Variants in KIF16B observed in about 807,000 individuals in gnomAD.
KIF16B encodes kinesin-like protein KIF16B.
A neutral mutation model predicts 156.3 loss-of-function variants in KIF16B; 98 were observed. That is an observed-to-expected ratio of 0.63 (90% confidence interval 0.53 to 0.74). The LOEUF is 0.74. KIF16B is among the 30% of genes least tolerant of loss of function. The pLI is 0.00. For missense variants in KIF16B, 1,421 were observed against 1,606.5 expected (o/e 0.88, Z 1.97); for synonymous variants, 564 against 583.7 (o/e 0.97, Z 0.49).
intron 15 of KIF16B, among the ~76,000 whole-genome samples, chr20:16,421,767 C>A (rs2066232100): frequency 6.6e-6 from 1 of 152,072 alleles, no homozygotes; most frequent in Non-Finnish European, 1.5e-5. Flanking sequence ...CGTTTTAACA[C>A]CTTCAAACAT....
chr20:16,277,884 G>A (rs946255947), intron 25 of KIF16B, among the ~76,000 whole-genome samples: 9 of 152,184 alleles, frequency 5.9e-5, no homozygotes, highest in Non-Finnish European at 7.3e-5. Context: ...TCTCTAGCAC[G>A]TCAGGGACCA....
intron 1 of KIF16B, among the ~76,000 whole-genome samples, chr20:16,571,910 C>T (rs1217383343): frequency 6.6e-6 from 1 of 152,144 alleles, no homozygotes; most frequent in Middle Eastern, 3.2e-3. Flanking sequence ...CAGGCATGAG[C>T]CACCGCGCCC....
chr20:16,436,292 T>C (rs1021106635), intron 12 of KIF16B, among the ~76,000 whole-genome samples: 4 of 152,156 alleles, frequency 2.6e-5, no homozygotes, highest in African/African-American at 7.2e-5. Flanking sequence ...TCTAGCCAGA[T>C]GGAATGACAG....
At chr20:16,370,766 C>A in intron 21 of KIF16B, 130 bp from the exon 22 acceptor site, 1 of 668,298 alleles carries the variant, frequency 1.5e-6, no homozygotes, top group Non-Finnish European at 2.4e-6. Context: ...CAATGACAAC[C>A]CTTCTATATA....
chr20:16,543,382 C>T (rs2070279621), intron 1 of KIF16B, among the ~76,000 whole-genome samples: 1 of 152,176 alleles, frequency 6.6e-6, no homozygotes, highest in Non-Finnish European at 1.5e-5. Context: ...AACCGAGGTG[C>T]TCCTCTTCTG....
intron 15 of KIF16B, among the ~76,000 whole-genome samples, chr20:16,407,227 C>T (rs2065808537): frequency 6.6e-6 from 1 of 152,156 alleles, no homozygotes. Context: ...GGCACAGGTG[C>T]CTGCAGGGCT....
Position 16,426,907 on chromosome 20 carries a change from A to G in KIF16B, c.1612+197T>C, listed in dbSNP as rs149666425. On this transcript the variant is annotated intron_variant, in intron 15 of 25. Transcript: ENST00000354981. ...ATAATTCTATATATGTTCATATTTA[A>G]TTAAACAAGACAATGGGTATTATAA... Among the ~76,000 whole-genome samples, 974 of 152,264 alleles carry G rather than the reference A, an allele frequency of 6.4e-3. 4 individuals are homozygous for G. The highest frequency in any genetic ancestry group is 9.5e-3 in the Non-Finnish European group (649 of 68,026).
intron 15 of KIF16B, among the ~76,000 whole-genome samples, chr20:16,413,562 A>G (rs765247352): frequency 3.9e-5 from 6 of 152,134 alleles, no homozygotes; most frequent in Non-Finnish European, 8.8e-5. Flanking sequence ...TTGGGTTACA[A>G]ATACTACAAA....
intron 15 of KIF16B, among the ~76,000 whole-genome samples, chr20:16,417,145 G>C (rs892543150): frequency 2.0e-5 from 3 of 152,168 alleles, no homozygotes; most frequent in African/African-American, 7.2e-5. Context: ...GAAAGTGCAG[G>C]AGAGATGAAG....
At chr20:16,277,180 G>C (rs1275690765) in intron 25 of KIF16B, among the ~76,000 whole-genome samples, 2 of 152,204 alleles carry the variant, frequency 1.3e-5, no homozygotes. Context: ...ATGCGGCCAT[G>C]CTGTGCGCAT....
intron 25 of KIF16B, among the ~76,000 whole-genome samples, chr20:16,288,872 T>A (rs1175611259): frequency 2.0e-5 from 3 of 148,588 alleles, no homozygotes; most frequent in Non-Finnish European, 3.0e-5. Context: ...GTATGTACCT[T>A]AGTAAACACA....
chr20:16,535,998 A>G (rs2069945157), intron 1 of KIF16B, among the ~76,000 whole-genome samples: 1 of 152,220 alleles, frequency 6.6e-6, no homozygotes. Context: ...TATTTATCCA[A>G]AGGAAAAGAA....
chr20:16,381,839 G>T (rs2065104940), intron 17 of KIF16B, 92 bp from the exon 18 acceptor site: 2 of 1,063,100 alleles, frequency 1.9e-6, no homozygotes, highest in African/African-American at 1.6e-5. Context: ...ATTAAAAAGG[G>T]CATCAGTTTT....
At chr20:16,385,183 G>A (rs534662429) in intron 17 of KIF16B, among the ~76,000 whole-genome samples, 2 of 149,688 alleles carry the variant, frequency 1.3e-5, no homozygotes, top group Admixed American at 1.3e-4. Context: ...GGGGACAAGA[G>A]CGTAACTCTG....
intron 16 of KIF16B, among the ~76,000 whole-genome samples, chr20:16,405,455 C>T (rs566497524): frequency 9.2e-5 from 14 of 152,104 alleles, no homozygotes; most frequent in Non-Finnish European, 1.6e-4. Context: ...CTCCACTGGC[C>T]GGAAAAAGCC....
intron 11 of KIF16B, among the ~76,000 whole-genome samples, chr20:16,495,856 A>G (rs1377693773): frequency 6.6e-6 from 1 of 151,992 alleles, no homozygotes; most frequent in African/African-American, 2.4e-5. Flanking sequence ...ACGCCCAGCT[A>G]ATTTTTGTAT....
At chr20:16,329,497 A>G (rs372688134) in intron 24 of KIF16B, among the ~76,000 whole-genome samples, 1 of 152,212 alleles carries the variant, frequency 6.6e-6, no homozygotes, top group East Asian at 1.9e-4. Context: ...GCATGATAAA[A>G]TTTCAAAGAT....
chr20:16,557,914 C>T (rs1470812224), intron 1 of KIF16B, among the ~76,000 whole-genome samples: 1 of 152,164 alleles, frequency 6.6e-6, no homozygotes, highest in African/African-American at 2.4e-5. Context: ...AAGAACAAGA[C>T]AGAAATGGTC....
chr20:16,399,661 C>T (rs926041309), intron 17 of KIF16B, among the ~76,000 whole-genome samples: 1 of 152,204 alleles, frequency 6.6e-6, no homozygotes, highest in East Asian at 1.9e-4. Context: ...TAGTCACTTA[C>T]AGGAGAAAGT....
Sources: allele counts gnomAD v4.1 joint callset (sites outside exome capture counted in the v4.1 genomes callset), GRCh38; gene constraint gnomAD v4.1.1; transcripts MANE v1.5; gene names NCBI Gene and HGNC (gene_info 2026-07-23, HGNC 2026-07-21).